COL9A2: variants seen among roughly 807,000 people sequenced by gnomAD.
COL9A2 encodes collagen alpha-2(IX) chain.
COL9A2 carries 66 observed loss-of-function variants against 111.6 expected under a neutral mutation model. That is an observed-to-expected ratio of 0.59 (90% confidence interval 0.48 to 0.73). COL9A2 has a LOEUF of 0.73. Ranked by LOEUF, COL9A2 falls within the 30% of genes least tolerant of loss-of-function variation. COL9A2 has a pLI of 0.00. For missense variants in COL9A2, 881 were observed against 954.1 expected (o/e 0.92, Z 1.01); for synonymous variants, 353 against 364.1 (o/e 0.97, Z 0.35).
In COL9A2 at chr1:40,311,952, T is replaced by C. The variant is rs1644135725; in HGVS notation, c.417+107A>G. 7.8e-7 allele frequency: 1 copy of C among 1,279,996 alleles called. No homozygotes were observed. Among genetic ancestry groups the C allele is most frequent in the Non-Finnish European group, 1.1e-6 (1 of 899,242 alleles). The allele number at this position is 1,279,996 out of a possible 1,614,324, so 79.3% of individuals were successfully genotyped here. ...GTTTCTGCCCCAGACCTGGAGGAGTTTCCCAGTGGCCAGGAGCAGGCCCAG... is the reference window on the plus strand; with the variant it reads ...GTTTCTGCCCCAGACCTGGAGGAGTCTCCCAGTGGCCAGGAGCAGGCCCAG... On this transcript the variant is annotated intron_variant, in intron 8 of 31. Transcript: ENST00000372748. The surrounding 1 kb of genome is among the most constrained non-coding windows in gnomAD (Gnocchi z 5.1).
rs745522018 is a variant in COL9A2, at chr1:40,311,539, C to T, written c.480G>A (p.Pro160=). The change falls in exon 10 of 32, where the codon CCG becomes CCA. Residue 160 remains proline, a synonymous_variant. Coordinates refer to ENST00000372748, the MANE Select transcript of COL9A2 (RefSeq NM_001852.4). The surrounding 1 kb of genome is among the most constrained non-coding windows in gnomAD (Gnocchi z 5.1). Reference sequence around the variant, plus strand: ...TGCCTTCCAGACCCTGGATGGTTCCCGGGCGACCCTGAGAGGAGACATGAA... The same window carrying T: ...TGCCTTCCAGACCCTGGATGGTTCCTGGGCGACCCTGAGAGGAGACATGAA... ...PPGPPGKPGR[P]GTIQGLEGSA... 11 of 1,613,868 alleles carry T rather than the reference C, an allele frequency of 6.8e-6. No homozygotes were observed. Among genetic ancestry groups the T allele is most frequent in the Middle Eastern group, 1.6e-4 (1 of 6,062 alleles).
At chr1:40,304,145 C>G in intron 24 of COL9A2, 46 bp from the exon 25 acceptor site, 1 of 1,526,002 alleles carries the variant, frequency 6.6e-7, no homozygotes, top group Non-Finnish European at 8.8e-7. Flanking sequence ...CCCCCCTCCA[C>G]GGGGTCCCCC....
In COL9A2 at chr1:40,304,808, T is replaced by C. The variant is rs762110744; in HGVS notation, c.1147A>G (p.Ile383Val). The C allele has an allele frequency of 3.2e-5, 49 of 1,551,004 alleles. 1 individual carries two copies. In the Middle Eastern group the frequency reaches 1.2e-3, roughly 37 times the overall value. Residue 383 changes from isoleucine to valine, a missense_variant, in exon 22 of 32, where the codon ATC becomes GTC. By Grantham distance (29) the Ile-to-Val change is conservative. Coordinates refer to ENST00000372748, the MANE Select transcript of COL9A2 (RefSeq NM_001852.4). ...CAGGCACTTACCTTCTGTCCCATGA[T>C]GCCCTGGGGACCAATTTCTCCTCGA... is the stretch of plus-strand genomic sequence containing the variant. ...GPRGEIGPQG[I>V]MGQKGDQGER...
chr1:40,309,593 C>T (rs1644084359), intron 16 of COL9A2, among the ~76,000 whole-genome samples: 1 of 147,154 alleles, frequency 6.8e-6, no homozygotes, highest in African/African-American at 2.7e-5. Flanking sequence ...GGGCTCTTGG[C>T]ACAGATGGTC....
intron 2 of COL9A2, chr1:40,315,369 C>T: frequency 7.2e-7 from 1 of 1,385,266 alleles, no homozygotes; most frequent in South Asian, 1.7e-5. Flanking sequence ...AACAGCAGCT[C>T]CTTGTCTGTC....
rs981776320 is a variant in COL9A2 at position 40,316,979 on chromosome 1, G to T, written c.75+144C>A. The T allele has an allele frequency of 3.7e-6, 3 of 804,216 alleles. No homozygotes were observed. Among genetic ancestry groups the T allele is most frequent in the African/African-American group, 1.7e-5 (1 of 58,702 alleles). 49.8% of individuals were successfully genotyped at this position (804,216 alleles called of 1,614,324 possible). A position where few individuals can be genotyped will look rare whatever the true frequency, so the allele number is the denominator to read the frequency against. ...GATGGGCACCATGTATGCACCCACCGAGGGGACCTGCCCGCGGCGCTGTCC... is the reference window on the plus strand; with the variant it reads ...GATGGGCACCATGTATGCACCCACCTAGGGGACCTGCCCGCGGCGCTGTCC... On this transcript the variant is annotated intron_variant, in intron 1 of 31. Coordinates refer to ENST00000372748, the MANE Select transcript of COL9A2 (RefSeq NM_001852.4). The surrounding 1 kb of genome is among the most constrained non-coding windows in gnomAD (Gnocchi z 5.5).
In COL9A2 at chr1:40,302,677, C is replaced by T. The variant is rs764023683; in HGVS notation, c.1736G>A (p.Arg579Gln). ...KQGPHGHPGPRGVPGIVGAVG... is the reference protein window; with the variant it reads ...KQGPHGHPGPQGVPGIVGAVG... Reference sequence around the variant, plus strand: ...GGCTCCCACGATGCCAGGAACGCCCCGAGGGCCAGGGTGCCCATGGGGGCC... The same window carrying T: ...GGCTCCCACGATGCCAGGAACGCCCTGAGGGCCAGGGTGCCCATGGGGGCC... The change falls in exon 30 of 32, where the codon CGG becomes CAG. Residue 579 changes from arginine (R) to glutamine (Q), a missense_variant. Physicochemically the swap from Arg to Gln is conservative, Grantham distance 43. Coordinates refer to ENST00000372748, the MANE Select transcript of COL9A2 (RefSeq NM_001852.4). The surrounding 1 kb of genome is among the most constrained non-coding windows in gnomAD (Gnocchi z 4.5). 13 of 1,598,438 alleles carry T rather than the reference C, an allele frequency of 8.1e-6. No individual in the cohort carries two copies. In the East Asian group the frequency reaches 1.6e-4, roughly 20 times the overall value.
chr1:40,314,496 T>G lies in COL9A2; in HGVS notation c.151-109A>C. 7.6e-7 allele frequency: 1 copy of G among 1,319,402 alleles called. No individual in the cohort carries two copies. Among genetic ancestry groups the G allele is most frequent in the Non-Finnish European group, 1.1e-6 (1 of 914,290 alleles). 81.7% of individuals were successfully genotyped at this position (1,319,402 alleles called of 1,614,324 possible). ...CAAAGGCTCTCCTCACTCTCCTCTC[T>G]TCTGTCCAGGTCCCCTAAGCCTTGC... On this transcript the variant is annotated intron_variant, in intron 2 of 31. Transcript: ENST00000372748. This position sits in a 1 kb window ranked among gnomAD's most constrained non-coding sequence, Gnocchi z 4.1.
In COL9A2 at chr1:40,303,161, T is replaced by C; in HGVS notation, c.1573A>G (p.Ile525Val). Residue 525 changes from isoleucine (I) to valine (V), a missense_variant, in exon 29 of 32, where the codon ATC (isoleucine) becomes GTC (valine). Coordinates refer to ENST00000372748, the MANE Select transcript of COL9A2 (RefSeq NM_001852.4). The surrounding 1 kb of genome is among the most constrained non-coding windows in gnomAD (Gnocchi z 4.6). ...AGCATCTTCAGCGCCACATCCACGATGTGCTGGTCAGTGGCATCCCGGCCC... is the reference window on the plus strand; with the variant it reads ...AGCATCTTCAGCGCCACATCCACGACGTGCTGGTCAGTGGCATCCCGGCCC... Reference protein sequence around the residue: ...VEGRDATDQHIVDVALKMLQE... With the variant: ...VEGRDATDQHVVDVALKMLQE... The C allele has an allele frequency of 6.2e-7, 1 of 1,612,138 alleles. No individual in the cohort carries two copies. The highest frequency in any genetic ancestry group is 8.5e-7 in the Non-Finnish European group (1 of 1,178,904).
Position 40,314,181 on chromosome 1 carries a change from C to T in COL9A2, c.249+24G>A. The stretch of plus-strand genomic sequence containing the variant: ...GTCAATTGGCAGAGCCCTACCCTGC[C>T]CCACCCGACACTCAGCTACTCACAT... On this transcript the variant is annotated intron_variant, in intron 4 of 31. Coordinates refer to ENST00000372748, the MANE Select transcript of COL9A2 (RefSeq NM_001852.4). This position sits in a 1 kb window ranked among gnomAD's most constrained non-coding sequence, Gnocchi z 4.1. The T allele has an allele frequency of 6.2e-7, 1 of 1,613,874 alleles. No homozygotes were observed. The highest frequency in any genetic ancestry group is 1.1e-5 in the South Asian group (1 of 91,070).
chr1:40,304,688 C>G, intron 22 of COL9A2, 106 bp downstream of exon 22: 1 of 1,396,092 alleles, frequency 7.2e-7, no homozygotes. Flanking sequence ...AAACCTAGGC[C>G]CTGCCTGGGG....
rs1643938811 is a variant in COL9A2, at chr1:40,302,995, C to T, written c.1603+136G>A. On this transcript the variant is annotated intron_variant, in intron 29 of 31. Coordinates refer to ENST00000372748, the MANE Select transcript of COL9A2 (RefSeq NM_001852.4). This position sits in a 1 kb window ranked among gnomAD's most constrained non-coding sequence, Gnocchi z 4.5. ...GAGTGACTTATTCAAGGTCCCAAAA[C>T]CCTTCAGAGACTGGACTGGAAGGAG... 2 of 1,112,328 alleles carry T rather than the reference C, an allele frequency of 1.8e-6. No homozygotes were observed. Among genetic ancestry groups the T allele is most frequent in the Non-Finnish European group, 2.6e-6 (2 of 756,756 alleles). 68.9% of individuals were successfully genotyped at this position (1,112,328 alleles called of 1,614,324 possible). A position where few individuals can be genotyped will look rare whatever the true frequency, so the allele number is the denominator to read the frequency against.
chr1:40,312,907 G>T lies in COL9A2; in HGVS notation c.250-123C>A. ...CTCCTTTTTGCCACACCTCATGAAG[G>T]CCTAGGAACCTCCACACCTTTCTTT... is the stretch of plus-strand genomic sequence containing the variant. On this transcript the variant is annotated intron_variant, in intron 4 of 31. Coordinates refer to ENST00000372748, the MANE Select transcript of COL9A2 (RefSeq NM_001852.4). This position sits in a 1 kb window ranked among gnomAD's most constrained non-coding sequence, Gnocchi z 6.0. 1.3e-6 allele frequency: 1 copy of T among 782,614 alleles called. No homozygotes were observed. Among genetic ancestry groups the T allele is most frequent in the Non-Finnish European group, 2.2e-6 (1 of 455,838 alleles). 48.5% of individuals were successfully genotyped at this position (782,614 alleles called of 1,614,324 possible). A position where few individuals can be genotyped will look rare whatever the true frequency, so the allele number is the denominator to read the frequency against.
intron 19 of COL9A2, among the ~76,000 whole-genome samples, 173 bp from the exon 20 acceptor site, chr1:40,306,360 G>A (rs368106004): frequency 6.6e-6 from 1 of 152,352 alleles, no homozygotes; most frequent in Non-Finnish European, 1.5e-5. Context: ...GGTGGCAGAG[G>A]AGTGGGGCAC....
Position 40,310,952 on chromosome 1 carries a change from G to A in COL9A2, c.630+141C>T. The A allele has an allele frequency of 8.2e-7, 1 of 1,213,606 alleles. No individual in the cohort carries two copies. Among genetic ancestry groups the A allele is most frequent in the Middle Eastern group, 1.9e-4 (1 of 5,326 alleles). 75.2% of individuals were successfully genotyped at this position (1,213,606 alleles called of 1,614,324 possible). On this transcript the variant is annotated intron_variant, in intron 12 of 31. Transcript: ENST00000372748. This position sits in a 1 kb window ranked among gnomAD's most constrained non-coding sequence, Gnocchi z 4.9. ...GACATGACCAGAGACATGCCGACCT[G>A]GAGCACAGGCCTCCAGCCCCCGGCT...
Position 40,311,445 on chromosome 1 carries a change from C to CATCTCTGTGGCCCCGCCCCCCT in COL9A2, c.519+33_519+54dup. The CATCTCTGTGGCCCCGCCCCCCT allele has an allele frequency of 6.4e-7, 1 of 1,555,414 alleles. No homozygotes were observed. The highest frequency in any genetic ancestry group is 2.2e-5 in the East Asian group (1 of 44,596). ...CCCCATCTCCGTGGCCCCGCCTCCC[C>CATCTCTGTGGCCCCGCCCCCCT]ATCTCTGTGGCCCCGCCCCCCTGTG... On this transcript the variant is annotated intron_variant, in intron 10 of 31. Coordinates refer to ENST00000372748, the MANE Select transcript of COL9A2 (RefSeq NM_001852.4). This position sits in a 1 kb window ranked among gnomAD's most constrained non-coding sequence, Gnocchi z 5.1.
rs535094323 is a variant in COL9A2 at position 40,310,940 on chromosome 1, A to G, written c.630+153T>C. On this transcript the variant is annotated intron_variant, in intron 12 of 31. Transcript: ENST00000372748. This position sits in a 1 kb window ranked among gnomAD's most constrained non-coding sequence, Gnocchi z 4.9. Reference sequence around the variant, plus strand: ...GCCAAGCAAGGAGACATGACCAGAGACATGCCGACCTGGAGCACAGGCCTC... The same window carrying G: ...GCCAAGCAAGGAGACATGACCAGAGGCATGCCGACCTGGAGCACAGGCCTC... 1.3e-5 allele frequency among the ~76,000 whole-genome samples: 2 copies of G among 152,306 alleles called. No individual in the cohort carries two copies. Among genetic ancestry groups the G allele is most frequent in the South Asian group, 2.1e-4 (1 of 4,826 alleles).
Position 40,310,085 on chromosome 1 carries a change from G to T in COL9A2, c.792+26C>A. The T allele has an allele frequency of 6.2e-7, 1 of 1,613,932 alleles. No homozygotes were observed. Among genetic ancestry groups the T allele is most frequent in the South Asian group, 1.1e-5 (1 of 91,076 alleles). ...GTAGCTGTAGGAGCTCCAGCCTCAGGGGTAGGGGAGCAAAAAGAGGCTTAC... is the reference window on the plus strand; with the variant it reads ...GTAGCTGTAGGAGCTCCAGCCTCAGTGGTAGGGGAGCAAAAAGAGGCTTAC... On this transcript the variant is annotated intron_variant, in intron 15 of 31. Coordinates refer to ENST00000372748, the MANE Select transcript of COL9A2 (RefSeq NM_001852.4). This position sits in a 1 kb window ranked among gnomAD's most constrained non-coding sequence, Gnocchi z 4.9.
In COL9A2 at chr1:40,312,406, C is replaced by A. The variant is rs550270497; in HGVS notation, c.363+50G>T. 52 of 1,604,340 alleles carry A rather than the reference C, an allele frequency of 3.2e-5. No individual in the cohort carries two copies. In the South Asian group the frequency reaches 5.6e-4, roughly 17 times the overall value. On this transcript the variant is annotated intron_variant, in intron 7 of 31. Coordinates refer to ENST00000372748, the MANE Select transcript of COL9A2 (RefSeq NM_001852.4). The surrounding 1 kb of genome is among the most constrained non-coding windows in gnomAD (Gnocchi z 6.0). ...TTCCCTCGAAGCCTTTCTGTTGTCC[C>A]CTCCTTCCCTGGGAGTTCTGGGGAT...
Sources: gnomAD v4.1 joint callset for allele counts (sites outside exome capture counted in the v4.1 genomes callset) on GRCh38, gnomAD v4.1.1 for gene constraint, Gnocchi (gnomAD v3.1) non-coding constraint, MANE v1.5 for transcripts, NCBI Gene and HGNC (gene_info 2026-07-23, HGNC 2026-07-21) for gene names.